LOC400499: variants seen among roughly 807,000 people sequenced by gnomAD.
At chr16:11,372,610 C>T in the LOC400499 span, 2 of 403,924 alleles carry the variant, frequency 5.0e-6, no homozygotes, top group South Asian at 1.0e-4. Context: ...TTCTGAGTTT[C>T]CCGGCATTCC....
At chr16:11,381,556 C>T in the LOC400499 span, among the ~76,000 whole-genome samples, 1 of 152,212 alleles carries the variant, frequency 6.6e-6, no homozygotes, top group Non-Finnish European at 1.5e-5. Flanking sequence ...TAAGATCTCT[C>T]TTGCAAATAC....
At chr16:11,480,747 AG>A in the LOC400499 span, among the ~76,000 whole-genome samples, 1 of 152,252 alleles carries the variant, frequency 6.6e-6, no homozygotes, top group Admixed American at 6.5e-5. Context: ...GAGTCTTCAT[AG>A]CACTGTATGT....
the LOC400499 span, among the ~76,000 whole-genome samples, chr16:11,488,524 A>C: frequency 3.0e-4 from 45 of 152,236 alleles, no homozygotes; most frequent in Middle Eastern, 3.4e-3. Flanking sequence ...GGCTCAAGCA[A>C]TCCTCCTGCC....
the LOC400499 span, among the ~76,000 whole-genome samples, chr16:11,401,019 T>G: frequency 6.6e-6 from 1 of 152,140 alleles, no homozygotes; most frequent in African/African-American, 2.4e-5. Flanking sequence ...TTTCCCACAT[T>G]AAAATGTGAG....
At chr16:11,489,678 G>C in the LOC400499 span, among the ~76,000 whole-genome samples, 1 of 152,196 alleles carries the variant, frequency 6.6e-6, no homozygotes, top group Admixed American at 6.5e-5. Flanking sequence ...TGGTACCCCA[G>C]GGCCACTGTG....
chr16:11,491,004 T>C, the LOC400499 span, among the ~76,000 whole-genome samples: 26 of 152,234 alleles, frequency 1.7e-4, no homozygotes, highest in Non-Finnish European at 3.8e-4. Context: ...GTCACACATA[T>C]GGCACTTACT....
chr16:11,415,011 C>T, the LOC400499 span, among the ~76,000 whole-genome samples: 1 of 152,172 alleles, frequency 6.6e-6, no homozygotes, highest in Admixed American at 6.6e-5. Flanking sequence ...TGAGTGCTTT[C>T]TGAATGACTG....
the LOC400499 span, among the ~76,000 whole-genome samples, chr16:11,414,949 C>T: frequency 2.6e-5 from 4 of 152,322 alleles, no homozygotes; most frequent in South Asian, 8.3e-4. Flanking sequence ...AGGTCAGTGC[C>T]TGGGGTCGGG....
the LOC400499 span, among the ~76,000 whole-genome samples, chr16:11,427,604 C>T: frequency 6.6e-6 from 1 of 151,714 alleles, no homozygotes; most frequent in African/African-American, 2.4e-5. Context: ...CCACCATGCC[C>T]AACTAATTTT....
At chr16:11,390,773 G>A in the LOC400499 span, among the ~76,000 whole-genome samples, 14 of 152,254 alleles carry the variant, frequency 9.2e-5, no homozygotes, top group South Asian at 1.7e-3. Context: ...GGTTTATGCC[G>A]GACCCCTGCT....
At chr16:11,393,474 C>G in the LOC400499 span, 6 of 1,232,242 alleles carry the variant, frequency 4.9e-6, no homozygotes, top group East Asian at 1.9e-4. Context: ...GTTGTCCACG[C>G]TTCCCTCCAA....
At chr16:11,393,101 A>G in the LOC400499 span, among the ~76,000 whole-genome samples, 1 of 149,192 alleles carries the variant, frequency 6.7e-6, no homozygotes, top group Non-Finnish European at 1.5e-5. Flanking sequence ...TGATCCACCC[A>G]CCTCGGCCTC....
At chr16:11,451,442 C>T in the LOC400499 span, among the ~76,000 whole-genome samples, 3 of 152,000 alleles carry the variant, frequency 2.0e-5, no homozygotes, top group Non-Finnish European at 4.4e-5. Flanking sequence ...TAGCCAGGCA[C>T]GGTGGTGCTC....
chr16:11,392,829 T>G, the LOC400499 span: 2 of 974,580 alleles, frequency 2.1e-6, no homozygotes, highest in South Asian at 9.4e-5. Flanking sequence ...CATCACCCCC[T>G]ACCCCACCAG....
chr16:11,397,509 G>A, the LOC400499 span, among the ~76,000 whole-genome samples: 3 of 152,174 alleles, frequency 2.0e-5, no homozygotes, highest in African/African-American at 7.2e-5. Context: ...TCCTGACCTC[G>A]TGATCTGCCT....
the LOC400499 span, among the ~76,000 whole-genome samples, chr16:11,449,939 G>A: frequency 6.6e-6 from 1 of 152,228 alleles, no homozygotes; most frequent in Non-Finnish European, 1.5e-5. Flanking sequence ...TGGGTGAAGG[G>A]CAGGAGCCGG....
chr16:11,384,027 G>A, the LOC400499 span: 1 of 1,231,820 alleles, frequency 8.1e-7, no homozygotes, highest in Non-Finnish European at 1.0e-6. Context: ...ATGGATGCAA[G>A]ACTCAGGCCT....
chr16:11,425,005 G>C, the LOC400499 span: 1 of 397,752 alleles, frequency 2.5e-6, no homozygotes, highest in South Asian at 1.4e-4. Context: ...AAGCCAGCAG[G>C]GGAAAGAAAT....
the LOC400499 span, among the ~76,000 whole-genome samples, chr16:11,483,643 A>C: frequency 2.0e-5 from 3 of 151,232 alleles, no homozygotes; most frequent in Non-Finnish European, 4.4e-5. Context: ...AGGCAGGAGG[A>C]TTACTTGAGC....
Sources: allele counts gnomAD v4.1 joint callset (sites outside exome capture counted in the v4.1 genomes callset), GRCh38; gene constraint gnomAD v4.1.1; transcripts MANE v1.5.